Variants in SPSB4 observed in about 807,000 individuals in gnomAD.
SPSB4 encodes SPRY domain-containing SOCS box protein 4.
A neutral mutation model predicts 20.9 loss-of-function variants in SPSB4; 21 were observed. The observed-to-expected ratio is 1.01, with a 90% confidence interval of 0.71 to 1.45. The LOEUF is 1.45. SPSB4 is among the 40% of genes most tolerant of loss of function. The probability of loss-of-function intolerance (pLI) is 0.00; values close to 1 mark genes in which losing one functional copy is unlikely to be tolerated. For synonymous variants in SPSB4, 207 were observed against 183.8 expected, an observed-to-expected ratio of 1.13 and a Z score of -1.02; for missense variants, 399 against 399.2, an observed-to-expected ratio of 1.00 and a Z score of 0.00.
intron 2 of SPSB4, among the ~76,000 whole-genome samples, chr3:141,128,455 A>C (rs1939082152): frequency 6.6e-6 from 1 of 152,048 alleles, no homozygotes; most frequent in African/African-American, 2.4e-5. Flanking sequence ...AGTGGTGTGA[A>C]CCACACAGGA....
chr3:141,077,432 A>G (rs187665915), intron 2 of SPSB4: 1 of 152,334 alleles, frequency 6.6e-6, no homozygotes, highest in African/African-American at 2.4e-5. Context: ...AGGGGGCTGG[A>G]ACTGCCAGCA....
chr3:141,125,775 A>G (rs2107802849), intron 2 of SPSB4, among the ~76,000 whole-genome samples: 1 of 152,190 alleles, frequency 6.6e-6, no homozygotes, highest in East Asian at 1.9e-4. Context: ...TATTGGGCTC[A>G]TTTTGAACTT....
At position 141,137,396 on chromosome 3, in the gene SPSB4, C is replaced by T. The variant is rs1939248179; in HGVS notation, c.695-9746C>T. On this transcript the variant is annotated intron_variant, in intron 2 of 2. Transcript: ENST00000310546. ...GTTGAATAGGAGTGGTGAGAGAGGG[C>T]ATCCCTGTCTTGTGCCAGTTTTCAA... Among the ~76,000 whole-genome samples the T allele has an allele frequency of 2.0e-5, 3 of 152,294 alleles. 1 individual carries two copies. In the South Asian group the frequency reaches 6.2e-4, roughly 32 times the overall value.
intron 2 of SPSB4, among the ~76,000 whole-genome samples, chr3:141,136,585 A>C (rs574868822): frequency 6.6e-6 from 1 of 152,322 alleles, no homozygotes; most frequent in South Asian, 2.1e-4. Flanking sequence ...AGCACCATTG[A>C]TTAAATAGGG....
intron 2 of SPSB4, among the ~76,000 whole-genome samples, chr3:141,089,721 G>T (rs1293622367): frequency 6.6e-6 from 1 of 152,194 alleles, no homozygotes; most frequent in Non-Finnish European, 1.5e-5. Flanking sequence ...GACACATTTG[G>T]ACAGAACCTC....
Position 141,147,416 on chromosome 3 carries a change from G to A in SPSB4, c.*147G>A, listed in dbSNP as rs759058586. 3.0e-5 allele frequency: 42 copies of A among 1,395,510 alleles called. No individual in the cohort carries two copies. The highest frequency in any genetic ancestry group is 4.5e-5 in the Admixed American group (2 of 44,404). 86.4% of individuals were successfully genotyped at this position (1,395,510 alleles called of 1,614,324 possible). A position where few individuals can be genotyped will look rare whatever the true frequency, so the allele number is the denominator to read the frequency against. On this transcript the variant is annotated 3_prime_UTR_variant, in exon 3 of 3. Coordinates refer to ENST00000310546, the MANE Select transcript of SPSB4 (RefSeq NM_080862.3). ...CAGTTCTTTCAAAGACCAGGATGTG[G>A]TACCAACTTTGGAAACGAAAGGTCT...
At chr3:141,072,812 C>T (rs1938031881) in intron 2 of SPSB4, among the ~76,000 whole-genome samples, 1 of 152,070 alleles carries the variant, frequency 6.6e-6, no homozygotes. Context: ...GTATCTCGGC[C>T]CCCCATCCGC....
chr3:141,138,061 G>T (rs1209321354), intron 2 of SPSB4, among the ~76,000 whole-genome samples: 1 of 152,156 alleles, frequency 6.6e-6, no homozygotes, highest in Non-Finnish European at 1.5e-5. Flanking sequence ...GTTTAGTCTT[G>T]GGAGAGTGTA....
chr3:141,093,180 A>G (rs1938487863), intron 2 of SPSB4, among the ~76,000 whole-genome samples: 1 of 152,098 alleles, frequency 6.6e-6, no homozygotes. Flanking sequence ...GAGTGCAGGG[A>G]GACGAAATGG....
At chr3:141,125,523 G>C (rs1054785557) in intron 2 of SPSB4, among the ~76,000 whole-genome samples, 3 of 152,192 alleles carry the variant, frequency 2.0e-5, no homozygotes, top group African/African-American at 7.2e-5. Flanking sequence ...GTGTTCTCAG[G>C]CATATCCATT....
intron 2 of SPSB4, among the ~76,000 whole-genome samples, chr3:141,100,027 C>G: frequency 6.6e-6 from 1 of 152,290 alleles, no homozygotes; most frequent in East Asian, 1.9e-4. Flanking sequence ...TCCTCTGGCT[C>G]CCCATGGCTC....
chr3:141,065,089 T>C (rs377328548), intron 1 of SPSB4, among the ~76,000 whole-genome samples: 2 of 152,196 alleles, frequency 1.3e-5, no homozygotes, highest in Non-Finnish European at 2.9e-5. Context: ...TTTATCCTCA[T>C]GTTTTTTACT....
intron 2 of SPSB4, among the ~76,000 whole-genome samples, chr3:141,118,162 C>T (rs1242912458): frequency 3.3e-5 from 5 of 152,046 alleles, no homozygotes; most frequent in Admixed American, 1.3e-4. Flanking sequence ...CTCTCCAGCA[C>T]CTGTCTTTTT....
rs1342954232 is a variant in SPSB4, at chr3:141,066,266, C to T, written c.162C>T (p.His54=). The stretch of plus-strand genomic sequence containing the variant: ...CGGGGCTGGCTGTGCAGCTGCGGCA[C>T]GCGTGGAACCCCGAGGACCGCTCGC... ...PAAGLAVQLR[H]AWNPEDRSLN... is the part of the protein sequence containing the mutation. The change falls in exon 2 of 3, where the codon CAC becomes CAT. Residue 54 remains histidine, a synonymous_variant. Coordinates refer to ENST00000310546, the MANE Select transcript of SPSB4 (RefSeq NM_080862.3). The T allele has an allele frequency of 8.4e-6, 13 of 1,553,030 alleles. No homozygotes were observed. Among genetic ancestry groups the T allele is most frequent in the East Asian group, 2.4e-5 (1 of 40,898 alleles).
At chr3:141,112,634 G>C (rs1489945638) in intron 2 of SPSB4, among the ~76,000 whole-genome samples, 1 of 79,960 alleles carries the variant, frequency 1.3e-5, no homozygotes, top group Non-Finnish European at 2.1e-5. Flanking sequence ...GACAGAGCGA[G>C]ACTCCGTCTC....
chr3:141,102,335 C>G (rs1327796891), intron 2 of SPSB4, among the ~76,000 whole-genome samples: 1 of 152,110 alleles, frequency 6.6e-6, no homozygotes, highest in Non-Finnish European at 1.5e-5. Context: ...TACAACTTAG[C>G]AAGGAAAACA....
At chr3:141,142,969 A>G (rs1390345426) in intron 2 of SPSB4, among the ~76,000 whole-genome samples, 2 of 151,552 alleles carry the variant, frequency 1.3e-5, no homozygotes, top group Non-Finnish European at 2.9e-5. Context: ...GGCACCCGCC[A>G]CCACGCCCAG....
At chr3:141,114,593 G>T (rs909031084) in intron 2 of SPSB4, among the ~76,000 whole-genome samples, 4 of 152,204 alleles carry the variant, frequency 2.6e-5, no homozygotes, top group African/African-American at 9.6e-5. Context: ...GCCAGCCTGG[G>T]CACACTGGCA....
At chr3:141,134,035 CTTTTTTTTTTTTTCTTTTTTCTTTT>C in intron 2 of SPSB4, among the ~76,000 whole-genome samples, 1 of 46,734 alleles carries the variant, frequency 2.1e-5, no homozygotes, top group African/African-American at 9.9e-5. Context: ...TTTTTCTTTT[CTTTTTTTTTTTTTCTTTTTTCTTTT>C]TTTTTTTTTT....
Sources: allele counts gnomAD v4.1 joint callset (sites outside exome capture counted in the v4.1 genomes callset), GRCh38; gene constraint gnomAD v4.1.1; transcripts MANE v1.5; gene names NCBI Gene and HGNC (gene_info 2026-07-23, HGNC 2026-07-21).